RXFP2: variants seen among roughly 807,000 people sequenced by gnomAD.
The protein encoded by RXFP2 is relaxin family peptide receptor 2.
RXFP2 carries 68 observed loss-of-function variants against 88.6 expected under a neutral mutation model. The ratio of observed to expected loss-of-function variants is 0.77; its 90% confidence interval spans 0.63 to 0.94. The LOEUF (loss-of-function observed/expected upper bound fraction) is 0.94, where lower values mean the gene tolerates loss of function less well. RXFP2 is among the 40% of genes least tolerant of loss of function. The probability of loss-of-function intolerance (pLI) is 0.00; values close to 1 mark genes in which losing one functional copy is unlikely to be tolerated. For missense variants in RXFP2, 791 were observed against 893.9 expected (o/e 0.88, Z 1.47); for synonymous variants, 329 against 306.8 (o/e 1.07, Z -0.76).
chr13:31,781,823 T>G, intron 10 of RXFP2, 81 bp downstream of exon 10: 1 of 1,130,158 alleles, frequency 8.8e-7, no homozygotes, highest in Non-Finnish European at 1.3e-6. Flanking sequence ...ACAAAAAATT[T>G]TAAAGTAGTG....
At chr13:31,752,339 T>C (rs1315144427) in intron 1 of RXFP2, among the ~76,000 whole-genome samples, 1 of 151,866 alleles carries the variant, frequency 6.6e-6, no homozygotes, top group Non-Finnish European at 1.5e-5. Context: ...GCATGAAGTG[T>C]TTGCTTTGTC....
rs556592717 is a variant in RXFP2 at position 31,766,523 on chromosome 13, G to A, written c.497+496G>A. On this transcript the variant is annotated intron_variant, in intron 5 of 17. Transcript: ENST00000298386. ...AATGCCAATAAATAGGATATGATCAGCAGAGAAGGTATTCTGTGACAAAGA... is the reference window on the plus strand; with the variant it reads ...AATGCCAATAAATAGGATATGATCAACAGAGAAGGTATTCTGTGACAAAGA... 2.6e-5 allele frequency among the ~76,000 whole-genome samples: 4 copies of A among 152,238 alleles called. No individual in the cohort carries two copies. In the East Asian group the frequency reaches 5.8e-4, roughly 22 times the overall value.
intron 11 of RXFP2, 36 bp from the exon 12 acceptor site, chr13:31,786,347 A>G: frequency 7.2e-7 from 1 of 1,396,036 alleles, no homozygotes; most frequent in Non-Finnish European, 1.0e-6. Context: ...ATTTACTTCC[A>G]AAGTAATTGC....
Position 31,753,808 on chromosome 13 carries a change from CTT to C in RXFP2, c.95-4441_95-4440del, listed in dbSNP as rs890942452. On this transcript the variant is annotated intron_variant, in intron 1 of 17. Coordinates refer to ENST00000298386, the MANE Select transcript of RXFP2 (RefSeq NM_130806.5). Reference sequence around the variant, plus strand: ...TTGAAAAGTGCTCTTCCTTCAATTCCTTTTTTTTTTATTTCTAAATGGCTCAT... The same window carrying C: ...TTGAAAAGTGCTCTTCCTTCAATTCCTTTTTTTTATTTCTAAATGGCTCAT... Among the ~76,000 whole-genome samples the C allele has an allele frequency of 9.4e-5, 14 of 148,652 alleles. 1 individual carries two copies. The highest frequency in any genetic ancestry group is 2.7e-4 in the Admixed American group (4 of 14,864).
At chr13:31,746,257 A>T (rs988537223) in intron 1 of RXFP2, among the ~76,000 whole-genome samples, 13 of 152,160 alleles carry the variant, frequency 8.5e-5, no homozygotes, top group African/African-American at 3.1e-4. Flanking sequence ...CAAAATATAC[A>T]TGGGCTTTTT....
intron 11 of RXFP2, among the ~76,000 whole-genome samples, chr13:31,784,883 T>C (rs1873452545): frequency 6.6e-6 from 1 of 152,148 alleles, no homozygotes; most frequent in Non-Finnish European, 1.5e-5. Context: ...TAACCCTCAT[T>C]TGCTCTCACC....
At chr13:31,749,924 C>A (rs1871590499) in intron 1 of RXFP2, among the ~76,000 whole-genome samples, 2 of 152,154 alleles carry the variant, frequency 1.3e-5, no homozygotes, top group Non-Finnish European at 2.9e-5. Flanking sequence ...TAATAGTGGA[C>A]ATCATCAGTC....
In RXFP2 at chr13:31,769,638, T is replaced by C. The variant is rs555781568; in HGVS notation, c.497+3611T>C. Among the ~76,000 whole-genome samples the C allele has an allele frequency of 3.3e-5, 5 of 152,358 alleles. No individual in the cohort carries two copies. The East Asian group carries it at 9.6e-4, about 29-fold the overall frequency. On this transcript the variant is annotated intron_variant, in intron 5 of 17. Transcript: ENST00000298386. The stretch of plus-strand genomic sequence containing the variant: ...CGCATCCCTTTCCTTCTGCACTCTA[T>C]GTGCCCTATGATTATATTGCTCTTT...
intron 1 of RXFP2, among the ~76,000 whole-genome samples, chr13:31,740,153 T>C (rs1448032874): frequency 6.6e-6 from 1 of 152,128 alleles, no homozygotes; most frequent in East Asian, 1.9e-4. Context: ...CACAGGCAGA[T>C]CTAAAAAACA....
intron 17 of RXFP2, among the ~76,000 whole-genome samples, chr13:31,799,617 C>A (rs1210540048): frequency 6.6e-6 from 1 of 152,192 alleles, no homozygotes; most frequent in Non-Finnish European, 1.5e-5. Flanking sequence ...TCCTGGGTTC[C>A]TCTCCTGCCC....
chr13:31,756,621 AT>A (rs577728352), intron 1 of RXFP2, among the ~76,000 whole-genome samples: 21,061 of 133,744 alleles, frequency 0.16, 1,495 homozygotes, highest in African/African-American at 0.24. Flanking sequence ...TGAAGTTCCA[AT>A]TTTTTTTTTT....
At chr13:31,747,567 CACTT>C (rs1459026243) in intron 1 of RXFP2, among the ~76,000 whole-genome samples, 1 of 152,162 alleles carries the variant, frequency 6.6e-6, no homozygotes. Context: ...CTTTGTGGCT[CACTT>C]ACAGAAACGG....
intron 9 of RXFP2, among the ~76,000 whole-genome samples, chr13:31,780,762 C>G (rs1470504201): frequency 6.6e-6 from 1 of 152,202 alleles, no homozygotes. Context: ...TGGGATGCCA[C>G]TGACCTGCAG....
chr13:31,785,705 T>C (rs1873503368), intron 11 of RXFP2, among the ~76,000 whole-genome samples: 1 of 152,106 alleles, frequency 6.6e-6, no homozygotes, highest in African/African-American at 2.4e-5. Context: ...TATATCTGTT[T>C]TAACATCTTC....
chr13:31,782,949 T>A (rs1873355912), intron 11 of RXFP2, among the ~76,000 whole-genome samples: 1 of 152,216 alleles, frequency 6.6e-6, no homozygotes. Flanking sequence ...GGATTTAACC[T>A]ACCCTAGTTT....
At chr13:31,775,228 A>G in intron 6 of RXFP2, 90 bp from the exon 7 acceptor site, 1 of 1,048,576 alleles carries the variant, frequency 9.5e-7, no homozygotes, top group Non-Finnish European at 1.5e-6. Flanking sequence ...GTCCATATCC[A>G]TAATCATCAT....
At chr13:31,784,275 A>T (rs1227984002) in intron 11 of RXFP2, among the ~76,000 whole-genome samples, 8 of 152,142 alleles carry the variant, frequency 5.3e-5, no homozygotes, top group Non-Finnish European at 1.0e-4. Context: ...TGCTATTAAG[A>T]TCTATAGTGA....
At chr13:31,796,052 T>C (rs1415795159) in intron 16 of RXFP2, among the ~76,000 whole-genome samples, 2 of 121,008 alleles carry the variant, frequency 1.7e-5, no homozygotes, top group Non-Finnish European at 3.5e-5. Flanking sequence ...TTTTTTTTTT[T>C]TTTTTTTTTT....
intron 2 of RXFP2, among the ~76,000 whole-genome samples, chr13:31,759,938 C>T (rs1872219331): frequency 6.6e-6 from 1 of 152,150 alleles, no homozygotes; most frequent in Non-Finnish European, 1.5e-5. Context: ...GTGTCTCCTC[C>T]TCCAGGAGGG....
Sources: gnomAD v4.1 joint callset for allele counts (sites outside exome capture counted in the v4.1 genomes callset) on GRCh38, gnomAD v4.1.1 for gene constraint, MANE v1.5 for transcripts, NCBI Gene and HGNC (gene_info 2026-07-23, HGNC 2026-07-21) for gene names.